The following HPSE2 variants were observed in gnomAD, a reference collection of about 807,000 sequenced individuals.
The protein encoded by HPSE2 is inactive heparanase-2.
A neutral mutation model predicts 60.5 loss-of-function variants in HPSE2; 38 were observed. That is an observed-to-expected ratio of 0.63 (90% CI 0.48 to 0.82). The LOEUF is 0.82. Among genes scored for constraint, HPSE2 ranks in the 40% least tolerant of loss-of-function variants. HPSE2 has a pLI of 0.00. For missense variants in HPSE2, 713 were observed against 740.4 expected (o/e 0.96, Z 0.43); for synonymous variants, 295 against 293.2 (o/e 1.01, Z -0.06).
At chr10:99,113,235 C>T (rs568370527) in intron 3 of HPSE2, among the ~76,000 whole-genome samples, 1 of 152,236 alleles carries the variant, frequency 6.6e-6, no homozygotes, top group African/African-American at 2.4e-5. Flanking sequence ...ATTGCTTTCC[C>T]TACTATATAA....
chr10:98,740,244 T>A (rs1175027543), intron 4 of HPSE2, among the ~76,000 whole-genome samples: 27 of 151,578 alleles, frequency 1.8e-4, no homozygotes, highest in Non-Finnish European at 2.9e-5. Context: ...AGCATGATCA[T>A]GGCTCACTGC....
intron 3 of HPSE2, among the ~76,000 whole-genome samples, chr10:98,772,246 C>G (rs1437199470): frequency 6.6e-6 from 1 of 152,076 alleles, no homozygotes; most frequent in African/African-American, 2.4e-5. Context: ...CATGACATCC[C>G]CAGGGGCAAA....
At chr10:99,018,644 C>G (rs560975375) in intron 3 of HPSE2, among the ~76,000 whole-genome samples, 62 of 152,188 alleles carry the variant, frequency 4.1e-4, no homozygotes, top group African/African-American at 1.4e-3. Flanking sequence ...AAATTAAGGG[C>G]CAAATTACCA....
intron 3 of HPSE2, among the ~76,000 whole-genome samples, chr10:98,967,515 C>G (rs756100845): frequency 1.3e-5 from 2 of 152,026 alleles, no homozygotes; most frequent in African/African-American, 2.4e-5. Flanking sequence ...GATATTTGTA[C>G]GTTTTATTTG....
intron 6 of HPSE2, among the ~76,000 whole-genome samples, chr10:98,672,332 T>C (rs1401338362): frequency 1.3e-5 from 2 of 152,220 alleles, no homozygotes; most frequent in African/African-American, 4.8e-5. Flanking sequence ...GGAAACTCCC[T>C]GATCCCAGAA....
At chr10:98,986,978 C>T (rs1281159928) in intron 3 of HPSE2, among the ~76,000 whole-genome samples, 1 of 152,008 alleles carries the variant, frequency 6.6e-6, no homozygotes, top group African/African-American at 2.4e-5. Context: ...CAATAGCAGG[C>T]TCCGAAATCG....
intron 2 of HPSE2, among the ~76,000 whole-genome samples, chr10:99,154,521 G>A (rs1293135573): frequency 6.9e-6 from 1 of 145,122 alleles, no homozygotes; most frequent in Non-Finnish European, 1.5e-5. Flanking sequence ...AAGTGAAGGA[G>A]AAATAAAATA....
At chr10:99,075,678 G>A (rs1314023938) in intron 3 of HPSE2, among the ~76,000 whole-genome samples, 2 of 151,838 alleles carry the variant, frequency 1.3e-5, no homozygotes, top group African/African-American at 2.4e-5. Context: ...CAATTCTGTC[G>A]ATGTTTGTTT....
chr10:98,707,598 C>T (rs969309921), intron 5 of HPSE2, among the ~76,000 whole-genome samples: 1 of 152,122 alleles, frequency 6.6e-6, no homozygotes, highest in Non-Finnish European at 1.5e-5. Flanking sequence ...ATTCTCTCCA[C>T]ATCTGCACCC....
At chr10:98,677,138 T>G (rs560118603) in intron 6 of HPSE2, among the ~76,000 whole-genome samples, 2 of 152,292 alleles carry the variant, frequency 1.3e-5, no homozygotes, top group African/African-American at 4.8e-5. Flanking sequence ...GTAGAAGTGG[T>G]CACTAGAGGG....
At chr10:99,267,862 G>C in the HPSE2 span, among the ~76,000 whole-genome samples, 6 of 151,818 alleles carry the variant, frequency 4.0e-5, no homozygotes, top group Admixed American at 2.0e-4. Flanking sequence ...AAATCTAAAA[G>C]TTTGGAAAAT....
intron 11 of HPSE2, among the ~76,000 whole-genome samples, chr10:98,478,144 C>T (rs1941096634): frequency 6.6e-6 from 1 of 152,122 alleles, no homozygotes; most frequent in Non-Finnish European, 1.5e-5. Context: ...GCAGATGCCC[C>T]CAAAATCTCC....
intron 3 of HPSE2, among the ~76,000 whole-genome samples, chr10:99,035,930 G>C (rs1022209408): frequency 1.3e-5 from 2 of 152,218 alleles, no homozygotes; most frequent in South Asian, 4.1e-4. Flanking sequence ...CCATTCTCTA[G>C]GCTGAGCCTG....
chr10:98,466,241 CA>C (rs1389937648), intron 11 of HPSE2, among the ~76,000 whole-genome samples: 1 of 152,160 alleles, frequency 6.6e-6, no homozygotes, highest in Non-Finnish European at 1.5e-5. Context: ...TTATCAGGAG[CA>C]GCCTTGGGAG....
chr10:98,789,718 G>A (rs1950616297), intron 3 of HPSE2, among the ~76,000 whole-genome samples: 1 of 152,174 alleles, frequency 6.6e-6, no homozygotes, highest in African/African-American at 2.4e-5. Flanking sequence ...CTTATAGCTG[G>A]ATGGCAAGTA....
intron 3 of HPSE2, among the ~76,000 whole-genome samples, chr10:98,789,006 C>A (rs1390070498): frequency 6.6e-6 from 1 of 151,490 alleles, no homozygotes; most frequent in African/African-American, 2.4e-5. Flanking sequence ...CTTTTTTTTT[C>A]TTTTTAGCAC....
chr10:98,623,760 T>C (rs1252807926), intron 7 of HPSE2, among the ~76,000 whole-genome samples: 1 of 152,198 alleles, frequency 6.6e-6, no homozygotes, highest in African/African-American at 2.4e-5. Context: ...TATTTTATAA[T>C]GCTAATGTAG....
chr10:99,126,487 T>C lies in HPSE2; in HGVS notation c.610+17751A>G, dbSNP rs1845169142. Reference sequence around the variant, plus strand: ...GCAAGCGTAGATCTCCTTACTACTGTTGCAGCTGGTGCTCTCTTGAAAGTG... The same window carrying C: ...GCAAGCGTAGATCTCCTTACTACTGCTGCAGCTGGTGCTCTCTTGAAAGTG... On this transcript the variant is annotated intron_variant, in intron 3 of 11. Coordinates refer to ENST00000370552, the MANE Select transcript of HPSE2 (RefSeq NM_021828.5). This position sits in a 1 kb window ranked among gnomAD's most constrained non-coding sequence, Gnocchi z 4.0. 6.6e-6 allele frequency among the ~76,000 whole-genome samples: 1 copy of C among 151,836 alleles called. No homozygotes were observed. Among genetic ancestry groups the C allele is most frequent in the African/African-American group, 2.4e-5 (1 of 41,300 alleles).
intron 3 of HPSE2, among the ~76,000 whole-genome samples, chr10:98,903,535 A>C (rs2134988913): frequency 6.6e-6 from 1 of 152,244 alleles, no homozygotes; most frequent in African/African-American, 2.4e-5. Context: ...AAGATCAAGA[A>C]GCGGTCTCAC....
Sources: allele counts gnomAD v4.1 joint callset (sites outside exome capture counted in the v4.1 genomes callset), GRCh38; gene constraint gnomAD v4.1.1; non-coding constraint Gnocchi (gnomAD v3.1); transcripts MANE v1.5; gene names NCBI Gene and HGNC (gene_info 2026-07-23, HGNC 2026-07-21).